Variants in ACTR8 observed in about 807,000 individuals in gnomAD.
ACTR8 encodes the protein actin-related protein 8.
Under a neutral mutation model 84.3 loss-of-function variants are expected in ACTR8, and 70 were observed. The observed-to-expected ratio is 0.83, with a 90% CI of 0.68 to 1.01. The LOEUF is 1.01. Ranked by LOEUF, ACTR8 falls within the 50% of genes least tolerant of loss-of-function variation. ACTR8 has a pLI of 0.00. For missense variants in ACTR8, 672 were observed against 775.4 expected, an observed-to-expected ratio of 0.87 and a Z score of 1.58; for synonymous variants, 268 against 275.2, an observed-to-expected ratio of 0.97 and a Z score of 0.26.
Position 53,882,060 on chromosome 3 carries a change from C to G in ACTR8, c.42G>C (p.Glu14Asp), listed in dbSNP as rs1027109170. ...GCTCCTTCTCCTTCTCGCCGCCCTTCTCCTTTCCGTTCTCCGTATCACCCT... is the reference window on the plus strand; with the variant it reads ...GCTCCTTCTCCTTCTCGCCGCCCTTGTCCTTTCCGTTCTCCGTATCACCCT... ...AEKGDTENGK[E>D]KGGEKEKEQR... The change falls in exon 1 of 13, where the codon GAG becomes GAC. Residue 14 changes from glutamate (E) to aspartate (D), a missense_variant. Transcript: ENST00000335754. The G allele has an allele frequency of 1.9e-6, 3 of 1,551,678 alleles. No homozygotes were observed. The highest frequency in any genetic ancestry group is 3.3e-4 in the Middle Eastern group (2 of 5,992).
chr3:53,865,354 A>G, downstream of ACTR8: 1 of 1,450,930 alleles, frequency 6.9e-7, no homozygotes, highest in Non-Finnish European at 9.3e-7. Flanking sequence ...CTATCCCACC[A>G]ATTACAGGGA....
downstream of ACTR8, chr3:53,864,953 A>G (rs1699726935): frequency 6.2e-7 from 1 of 1,614,030 alleles, no homozygotes; most frequent in South Asian, 1.1e-5. Flanking sequence ...CTTGCCACTC[A>G]AAAGAAGGCA....
Position 53,870,409 on chromosome 3 carries a change from T to G in ACTR8, c.1568-264A>C, listed in dbSNP as rs1211846945. 2.5e-6 allele frequency: 1 copy of G among 406,650 alleles called. No homozygotes were observed. The allele number at this position is 406,650 out of a possible 1,614,324, so 25.2% of individuals were successfully genotyped here. ...GGCTCACGCCTGTAATCCCAGCACT[T>G]TGGGAGGCCAAGGCAGGCAGATCAC... On this transcript the variant is annotated intron_variant, in intron 11 of 12. Coordinates refer to ENST00000335754, the MANE Select transcript of ACTR8 (RefSeq NM_022899.5). This position sits in a 1 kb window ranked among gnomAD's most constrained non-coding sequence, Gnocchi z 4.1.
the ACTR8 span, chr3:53,861,490 A>G: frequency 2.0e-5 from 3 of 152,234 alleles, no homozygotes; most frequent in Non-Finnish European, 4.4e-5. Flanking sequence ...CATTTTGCAG[A>G]ATACCTTTTA....
At chr3:53,865,211 A>C (rs760686982), downstream of ACTR8, 1 of 1,614,072 alleles carries the variant, frequency 6.2e-7, no homozygotes, top group Non-Finnish European at 8.5e-7. Flanking sequence ...CTCATGAAGG[A>C]TGCCACTGCT....
chr3:53,871,314 C>T lies in ACTR8; in HGVS notation c.1485G>A (p.Met495Ile). Residue 495 changes from methionine (M) to isoleucine (I), a missense_variant, in exon 11 of 13, where the codon ATG (methionine) becomes ATA (isoleucine). Transcript: ENST00000335754. ...NDSEEALTAL[M>I]SRKTAISLFE... is the part of the protein sequence containing the mutation. ...ACAGCGAGATGGCAGTCTTCCTGGA[C>T]ATCAGTGCAGTGAGGGCCTCCTCGG... The T allele has an allele frequency of 6.2e-7, 1 of 1,614,254 alleles. No homozygotes were observed. The highest frequency in any genetic ancestry group is 8.5e-7 in the Non-Finnish European group (1 of 1,180,046).
In ACTR8 at chr3:53,876,051, C is replaced by G. The variant is rs749555757; in HGVS notation, c.808G>C (p.Ala270Pro). Residue 270 changes from alanine (A) to proline (P), a missense_variant, in exon 7 of 13, where the codon GCC becomes CCC. Physicochemically the swap from Ala to Pro is conservative, Grantham distance 27. Transcript: ENST00000335754. ...GIVVHQESVC[A>P]TYGSGLSSTC... ...CTGCTTAAGCCACTTCCATAGGTGG[C>G]ACACACAGACTCCTGATGGACCACA... 2 of 1,612,864 alleles carry G rather than the reference C, an allele frequency of 1.2e-6. No individual in the cohort carries two copies. Among genetic ancestry groups the G allele is most frequent in the Non-Finnish European group, 1.7e-6 (2 of 1,179,914 alleles).
intron 9 of ACTR8, among the ~76,000 whole-genome samples, chr3:53,872,773 C>G (rs1699906346): frequency 6.6e-6 from 1 of 152,202 alleles, no homozygotes; most frequent in South Asian, 2.1e-4. Flanking sequence ...TCAAGTACCT[C>G]AAAATCTACT....
At chr3:53,881,129 C>T (rs1700051974) in intron 1 of ACTR8, among the ~76,000 whole-genome samples, 1 of 152,196 alleles carries the variant, frequency 6.6e-6, no homozygotes, top group African/African-American at 2.4e-5. Flanking sequence ...TCTGGGCTTA[C>T]GGTGTGCCAG....
In ACTR8 at chr3:53,872,493, A is replaced by G. The variant is rs1175656046; in HGVS notation, c.1193T>C (p.Phe398Ser). 3 of 1,610,280 alleles carry G rather than the reference A, an allele frequency of 1.9e-6. No homozygotes were observed. The change falls in exon 10 of 13, where the codon TTT becomes TCT. Residue 398 changes from phenylalanine to serine, a missense_variant. Physicochemically the swap from Phe to Ser is radical, Grantham distance 155. Coordinates refer to ENST00000335754, the MANE Select transcript of ACTR8 (RefSeq NM_022899.5). ...CGTCATTTTCTGTCCAACGATTCCA[A>G]AAGTTGCGGGGTAAAACAAAGCCAT... ...APMALFYPAT[F>S]GIVGQKMTTL...
Position 53,872,377 on chromosome 3 carries a change from TACGG to T in ACTR8, c.1302+3_1302+6del. On this transcript the variant is annotated splice_donor_5th_base_variant and intron_variant, in intron 10 of 12. Coordinates refer to ENST00000335754, the MANE Select transcript of ACTR8 (RefSeq NM_022899.5). ...CTCTCTCTTCTCCTACCAGAATTGC[TACGG>T]ACCTGTTCTTGTTTGCTCTGTGTGG... 6.3e-7 allele frequency: 1 copy of T among 1,580,170 alleles called. No homozygotes were observed. Among genetic ancestry groups the T allele is most frequent in the South Asian group, 1.2e-5 (1 of 85,268 alleles).
chr3:53,875,401 G>C (rs1484208256), intron 7 of ACTR8, among the ~76,000 whole-genome samples: 1 of 152,176 alleles, frequency 6.6e-6, no homozygotes, highest in East Asian at 1.9e-4. Flanking sequence ...CATTACCTGA[G>C]TGTGCTTACA....
Position 53,882,135 on chromosome 3 carries a change from A to C in ACTR8, c.-34T>G, listed in dbSNP as rs2107081611. On this transcript the variant is annotated 5_prime_UTR_variant, in exon 1 of 13. Transcript: ENST00000335754. ...GAGACACCCACCAACCTCTCGCCTC[A>C]GCGCTGCAGCCACGACTGCCGGGAT... The C allele has an allele frequency of 1.3e-6, 2 of 1,548,994 alleles. No individual in the cohort carries two copies. Among genetic ancestry groups the C allele is most frequent in the Non-Finnish European group, 1.7e-6 (2 of 1,145,166 alleles).
downstream of ACTR8, among the ~76,000 whole-genome samples, chr3:53,866,394 A>G (rs1470013401): frequency 1.3e-5 from 2 of 152,168 alleles, no homozygotes; most frequent in Non-Finnish European, 2.9e-5. Context: ...CAAACAAACG[A>G]AAAAACCCCC....
Position 53,870,255 on chromosome 3 carries a change from C to T in ACTR8, c.1568-110G>A. On this transcript the variant is annotated intron_variant, in intron 11 of 12. Coordinates refer to ENST00000335754, the MANE Select transcript of ACTR8 (RefSeq NM_022899.5). The surrounding 1 kb of genome is among the most constrained non-coding windows in gnomAD (Gnocchi z 4.1). ...AGTGCAATAGCCTTCTCAAAGATTT[C>T]CCTCCAGCCCACCCTCCACACTGCA... 1 of 1,302,958 alleles carries T rather than the reference C, an allele frequency of 7.7e-7. No homozygotes were observed. The highest frequency in any genetic ancestry group is 1.1e-6 in the Non-Finnish European group (1 of 941,294). The allele number at this position is 1,302,958 out of a possible 1,614,324, so 80.7% of individuals were successfully genotyped here. A position where few individuals can be genotyped will look rare whatever the true frequency, so the allele number is the denominator to read the frequency against.
chr3:53,876,116 G>C, intron 6 of ACTR8, 36 bp from the exon 7 acceptor site: 1 of 1,610,894 alleles, frequency 6.2e-7, no homozygotes. Context: ...GTAGTCATTA[G>C]CTGTAGCACG....
In ACTR8 at chr3:53,868,502, G is replaced by A; in HGVS notation, c.*217C>T. 1 of 607,844 alleles carries A rather than the reference G, an allele frequency of 1.6e-6. No homozygotes were observed. The highest frequency in any genetic ancestry group is 2.7e-6 in the Non-Finnish European group (1 of 367,570). 37.7% of individuals were successfully genotyped at this position (607,844 alleles called of 1,614,324 possible). On this transcript the variant is annotated 3_prime_UTR_variant, in exon 13 of 13. Transcript: ENST00000335754. ...GGGCAAGAGAGTTTACAACTGAAGA[G>A]AAAGTTCCTATTTATTCTCAAATGC...
rs528191435 is a variant in ACTR8, at chr3:53,877,402, G to A, written c.511-15C>T. On this transcript the variant is annotated splice_polypyrimidine_tract_variant and intron_variant, in intron 4 of 12. Transcript: ENST00000335754. ...ACATACAAGGCCTAGAAAAGGAGGA[G>A]GGAGATGAGTACTTTGTTAAAACTT... 1.3e-6 allele frequency: 2 copies of A among 1,580,034 alleles called. No individual in the cohort carries two copies. Among genetic ancestry groups the A allele is most frequent in the East Asian group, 2.2e-5 (1 of 44,472 alleles).
chr3:53,865,804 G>A (rs935400311), downstream of ACTR8: 1 of 153,856 alleles, frequency 6.5e-6, no homozygotes, highest in Non-Finnish European at 1.4e-5. Context: ...ACTTTTACTG[G>A]ACCAAATGAT....
Sources: allele counts gnomAD v4.1 joint callset (sites outside exome capture counted in the v4.1 genomes callset), GRCh38; gene constraint gnomAD v4.1.1; non-coding constraint Gnocchi (gnomAD v3.1); transcripts MANE v1.5; gene names NCBI Gene and HGNC (gene_info 2026-07-23, HGNC 2026-07-21).